RASEF: variants seen among roughly 807,000 people sequenced by gnomAD.
RASEF encodes RAS and EF-hand domain containing, also known as ras and EF-hand domain-containing protein.
Under a neutral mutation model 90.1 loss-of-function variants are expected in RASEF, and 68 were observed. That is an observed-to-expected ratio of 0.75 (90% CI 0.62 to 0.92). The LOEUF is 0.92. RASEF is among the 40% of genes least tolerant of loss of function. The pLI, the probability that RASEF is intolerant of heterozygous loss-of-function variation, is 0.00. For synonymous variants in RASEF, 331 were observed against 345.2 expected, an observed-to-expected ratio of 0.96 and a Z score of 0.46; for missense variants, 949 against 937.2, an observed-to-expected ratio of 1.01 and a Z score of -0.16.
the RASEF span, among the ~76,000 whole-genome samples, chr9:83,212,644 G>A: frequency 6.6e-6 from 1 of 152,220 alleles, no homozygotes; most frequent in Non-Finnish European, 1.5e-5. Flanking sequence ...CCTTGCAAGT[G>A]ACTGAAAACT....
intron 12 of RASEF, among the ~76,000 whole-genome samples, chr9:82,999,902 C>G (rs117405866): frequency 0.011 from 1,593 of 151,424 alleles, 26 homozygotes; most frequent in South Asian, 0.077. Context: ...CCGCACCCAG[C>G]CAGATATCTC....
chr9:83,129,135 G>T, the RASEF span, among the ~76,000 whole-genome samples: 1 of 152,108 alleles, frequency 6.6e-6, no homozygotes, highest in Non-Finnish European at 1.5e-5. Flanking sequence ...GGCCAAAATG[G>T]TTCCACAATA....
upstream of RASEF, among the ~76,000 whole-genome samples, chr9:83,065,782 C>T (rs1182174725): frequency 6.6e-6 from 1 of 152,184 alleles, no homozygotes; most frequent in Admixed American, 6.5e-5. Context: ...CTCTTTAATT[C>T]TCAATCAGTC....
At chr9:83,195,822 G>C in the RASEF span, among the ~76,000 whole-genome samples, 1 of 152,038 alleles carries the variant, frequency 6.6e-6, no homozygotes. Context: ...TTTTAACAGA[G>C]GAATAATATA....
the RASEF span, among the ~76,000 whole-genome samples, chr9:83,197,599 T>G: frequency 1.3e-5 from 2 of 152,122 alleles, no homozygotes; most frequent in East Asian, 1.9e-4. Flanking sequence ...GGAAGTCAAG[T>G]TTTAAAAATT....
the RASEF span, among the ~76,000 whole-genome samples, chr9:83,104,299 C>A: frequency 1.3e-5 from 2 of 151,866 alleles, no homozygotes; most frequent in African/African-American, 2.4e-5. Context: ...CTTGTTTGAA[C>A]AAATAAGAAT....
chr9:83,155,735 G>C, the RASEF span, among the ~76,000 whole-genome samples: 2 of 152,154 alleles, frequency 1.3e-5, no homozygotes, highest in East Asian at 3.8e-4. Flanking sequence ...AATGGGTTGA[G>C]GTGGAACTAT....
intron 2 of RASEF, among the ~76,000 whole-genome samples, chr9:83,023,216 T>C (rs184993617): frequency 1.1e-4 from 16 of 152,324 alleles, no homozygotes; most frequent in Non-Finnish European, 1.6e-4. Flanking sequence ...TCTCAATCAT[T>C]ATTCTTATTT....
chr9:83,022,748 T>C (rs1417353085), intron 2 of RASEF, among the ~76,000 whole-genome samples: 3 of 152,206 alleles, frequency 2.0e-5, no homozygotes, highest in Non-Finnish European at 4.4e-5. Context: ...TAAAGCCTAC[T>C]TCACACCTAG....
chr9:83,047,043 T>C (rs1829946707), intron 1 of RASEF, among the ~76,000 whole-genome samples: 1 of 152,162 alleles, frequency 6.6e-6, no homozygotes, highest in Non-Finnish European at 1.5e-5. Flanking sequence ...ACAGAGGGCA[T>C]CAAGGCTGAA....
At chr9:83,090,722 C>T in the RASEF span, among the ~76,000 whole-genome samples, 2 of 151,844 alleles carry the variant, frequency 1.3e-5, no homozygotes, top group African/African-American at 2.4e-5. Context: ...TCTTTGTATA[C>T]CTTGTAATTT....
At chr9:83,191,443 A>T in the RASEF span, among the ~76,000 whole-genome samples, 1 of 152,208 alleles carries the variant, frequency 6.6e-6, no homozygotes, top group African/African-American at 2.4e-5. Context: ...TTGACAGACT[A>T]AGAATAAAAG....
At chr9:83,048,298 C>T in intron 1 of RASEF, 6 of 985,396 alleles carry the variant, frequency 6.1e-6, no homozygotes, top group Non-Finnish European at 7.2e-6. Flanking sequence ...GAAGGCGTCA[C>T]TTCTCTGTGG....
chr9:83,112,413 G>A, the RASEF span, among the ~76,000 whole-genome samples: 3 of 152,178 alleles, frequency 2.0e-5, no homozygotes, highest in Non-Finnish European at 4.4e-5. Context: ...GGCTGAGCGC[G>A]GCGGCTCACG....
chr9:83,189,059 G>A, the RASEF span, among the ~76,000 whole-genome samples: 5 of 152,212 alleles, frequency 3.3e-5, no homozygotes, highest in African/African-American at 1.2e-4. Flanking sequence ...TTTGTCACCA[G>A]CTGATACGGG....
chr9:83,144,048 G>T, the RASEF span, among the ~76,000 whole-genome samples: 1 of 151,916 alleles, frequency 6.6e-6, no homozygotes, highest in Non-Finnish European at 1.5e-5. Flanking sequence ...AATTAACTCA[G>T]GAACAGAAAA....
chr9:83,131,694 G>A, the RASEF span, among the ~76,000 whole-genome samples: 1 of 152,124 alleles, frequency 6.6e-6, no homozygotes, highest in Non-Finnish European at 1.5e-5. Context: ...CACAGTCATT[G>A]GCACTGATGT....
intron 1 of RASEF, chr9:83,048,805 C>T (rs1264604645): frequency 1.0e-6 from 1 of 956,450 alleles, no homozygotes; most frequent in East Asian, 1.2e-4. Context: ...GAATATTTCT[C>T]ATACTTGATT....
intron 1 of RASEF, chr9:83,054,851 C>G (rs1830074050): frequency 6.6e-6 from 1 of 151,768 alleles, no homozygotes; most frequent in African/African-American, 2.5e-5. Context: ...CCCAGTTAGG[C>G]TGCTTGGGGG....
Sources: gnomAD v4.1 joint callset for allele counts (sites outside exome capture counted in the v4.1 genomes callset) on GRCh38, gnomAD v4.1.1 for gene constraint, MANE v1.5 for transcripts, NCBI Gene and HGNC (gene_info 2026-07-23, HGNC 2026-07-21) for gene names.